The following STAT4 variants were observed in gnomAD, a reference collection of about 807,000 sequenced individuals.
STAT4 encodes the protein signal transducer and activator of transcription 4.
Under a neutral mutation model 110.5 loss-of-function variants are expected in STAT4, and 42 were observed. That is an observed-to-expected ratio of 0.38 (90% CI 0.30 to 0.49). STAT4 has a LOEUF of 0.49. Ranked by LOEUF, STAT4 falls within the 20% of genes least tolerant of loss-of-function variation. STAT4 has a pLI of 0.95. For missense variants in STAT4, 632 were observed against 887.9 expected (o/e 0.71, Z 3.66); for synonymous variants, 284 against 302.2 (o/e 0.94, Z 0.63).
chr2:191,105,874 C>T (rs377418995), intron 3 of STAT4, among the ~76,000 whole-genome samples: 6 of 152,104 alleles, frequency 3.9e-5, no homozygotes, highest in Non-Finnish European at 5.9e-5. Context: ...TTATCCTCGC[C>T]GATGGATATG....
In STAT4 at chr2:191,061,924, C is replaced by T; in HGVS notation, c.942-103G>A. ...GCTATCCACTCAAAGTCCAAATTTT[C>T]TACACTTAGAAGATATTCAAACCCC... On this transcript the variant is annotated intron_variant, in intron 9 of 23. Coordinates refer to ENST00000392320, the MANE Select transcript of STAT4 (RefSeq NM_003151.4). This position sits in a 1 kb window ranked among gnomAD's most constrained non-coding sequence, Gnocchi z 6.2. 1 of 1,003,952 alleles carries T rather than the reference C, an allele frequency of 1.0e-6. No homozygotes were observed. Among genetic ancestry groups the T allele is most frequent in the Non-Finnish European group, 1.5e-6 (1 of 651,808 alleles). 62.2% of individuals were successfully genotyped at this position (1,003,952 alleles called of 1,614,324 possible).
chr2:191,064,405 T>C (rs923665899), intron 8 of STAT4, among the ~76,000 whole-genome samples: 6 of 152,348 alleles, frequency 3.9e-5, no homozygotes, highest in African/African-American at 1.4e-4. Context: ...TTTCTATCCC[T>C]GACCCACATC....
chr2:191,151,127 C>G, upstream of STAT4: 3 of 985,332 alleles, frequency 3.0e-6, no homozygotes, highest in Non-Finnish European at 3.6e-6. The surrounding 1 kb of genome is among the most constrained non-coding windows in gnomAD (Gnocchi z 4.7). Context: ...TGGGTCAGTT[C>G]CCACCCACTC....
rs529353620 is a variant in STAT4 at position 191,146,811 on chromosome 2, C to T, written c.129-54G>A. On this transcript the variant is annotated intron_variant, in intron 2 of 23. Transcript: ENST00000392320. The surrounding 1 kb of genome is among the most constrained non-coding windows in gnomAD (Gnocchi z 4.5). ...AGAAAACAACTTTGTAAAATGTCTA[C>T]TTTTTTACCATACTAACTTTAAAAC... 7.1e-7 allele frequency: 1 copy of T among 1,415,742 alleles called. No individual in the cohort carries two copies. The highest frequency in any genetic ancestry group is 9.3e-7 in the Non-Finnish European group (1 of 1,076,466). 87.7% of individuals were successfully genotyped at this position (1,415,742 alleles called of 1,614,324 possible).
rs1383544652 is a variant in STAT4 at position 191,050,877 on chromosome 2, AAC to A, written c.1251+3611_1251+3612del. ...GCTCAGCTCTTCTTGGGTAATCTCA[AAC>A]AGTCACAGGGTGCTGCAAATCTAGG... On this transcript the variant is annotated intron_variant, in intron 14 of 23. Coordinates refer to ENST00000392320, the MANE Select transcript of STAT4 (RefSeq NM_003151.4). This position sits in a 1 kb window ranked among gnomAD's most constrained non-coding sequence, Gnocchi z 4.3. Among the ~76,000 whole-genome samples the A allele has an allele frequency of 6.6e-6, 1 of 152,180 alleles. No homozygotes were observed. Among genetic ancestry groups the A allele is most frequent in the Non-Finnish European group, 1.5e-5 (1 of 68,040 alleles).
intron 3 of STAT4, among the ~76,000 whole-genome samples, chr2:191,097,599 C>T (rs1472278533): frequency 2.6e-5 from 4 of 152,194 alleles, no homozygotes; most frequent in African/African-American, 7.2e-5. Flanking sequence ...CCCTTCCTTA[C>T]ACCTTACACA....
rs747363114 is a variant in STAT4, at chr2:191,058,235, G to C, written c.1095-16C>G. 2.5e-6 allele frequency: 4 copies of C among 1,609,876 alleles called. No homozygotes were observed. ...TGAAACATTCCTGTAAAACCAAGAA[G>C]ATTCTTTAAAACAAGCTATTTAATA... On this transcript the variant is annotated splice_polypyrimidine_tract_variant and intron_variant, in intron 11 of 23. Coordinates refer to ENST00000392320, the MANE Select transcript of STAT4 (RefSeq NM_003151.4). The surrounding 1 kb of genome is among the most constrained non-coding windows in gnomAD (Gnocchi z 4.3).
Position 191,141,477 on chromosome 2 carries a change from C to T in STAT4, c.273+5136G>A, listed in dbSNP as rs536412709. On this transcript the variant is annotated intron_variant, in intron 3 of 23. Transcript: ENST00000392320. ...CATATATACATATGTATATCACATA[C>T]ATACATATACATATGTATATCACAT... 6.5e-4 allele frequency among the ~76,000 whole-genome samples: 30 copies of T among 46,158 alleles called. 1 individual carries two copies. Among genetic ancestry groups the T allele is most frequent in the South Asian group, 6.2e-3 (8 of 1,286 alleles). The allele number at this position is 46,158 out of a possible 152,430, so 30.3% of individuals were successfully genotyped here.
intron 13 of STAT4, among the ~76,000 whole-genome samples, chr2:191,057,371 A>G (rs1018311417): frequency 1.3e-5 from 2 of 152,192 alleles, no homozygotes; most frequent in African/African-American, 4.8e-5. Flanking sequence ...TGAATAATAT[A>G]TTCCATTGTG....
At chr2:191,038,269 T>C (rs1246620048) in intron 16 of STAT4, among the ~76,000 whole-genome samples, 3 of 152,166 alleles carry the variant, frequency 2.0e-5, no homozygotes, top group Non-Finnish European at 4.4e-5. Context: ...CCCTGCACAG[T>C]CTTCCTCTCT....
In STAT4 at chr2:191,082,552, T is replaced by C. The variant is rs1697513164; in HGVS notation, c.274-6227A>G. ...GTGTTATTGATTATAATATGCATTC[T>C]ATTTCAGAGATTTAAAGATGTTAAA... is the stretch of plus-strand genomic sequence containing the variant. On this transcript the variant is annotated intron_variant, in intron 3 of 23. Transcript: ENST00000392320. This position sits in a 1 kb window ranked among gnomAD's most constrained non-coding sequence, Gnocchi z 4.7. 6.6e-6 allele frequency among the ~76,000 whole-genome samples: 1 copy of C among 152,256 alleles called. No individual in the cohort carries two copies. The highest frequency in any genetic ancestry group is 2.1e-4 in the South Asian group (1 of 4,838).
chr2:191,039,669 TTTTAAG>T lies in STAT4; in HGVS notation c.1336-378_1336-373del, dbSNP rs1373917301. On this transcript the variant is annotated intron_variant, in intron 15 of 23. Transcript: ENST00000392320. This position sits in a 1 kb window ranked among gnomAD's most constrained non-coding sequence, Gnocchi z 4.7. ...TCTATAAGTTAAATAAAAGAATCTA[TTTTAAG>T]TTTATCTCTGGAATGAATCAGTACC... Among the ~76,000 whole-genome samples the T allele has an allele frequency of 2.0e-5, 3 of 152,332 alleles. No individual in the cohort carries two copies. The highest frequency in any genetic ancestry group is 4.8e-5 in the African/African-American group (2 of 41,578).
chr2:191,093,625 C>T (rs904047996), intron 3 of STAT4, among the ~76,000 whole-genome samples: 11 of 152,224 alleles, frequency 7.2e-5, no homozygotes, highest in Middle Eastern at 3.4e-3. Flanking sequence ...ACCACAAAGC[C>T]GGGGAGAAAC....
intron 15 of STAT4, 111 bp downstream of exon 15, chr2:191,040,954 A>G: frequency 1.6e-6 from 1 of 632,166 alleles, no homozygotes; most frequent in Non-Finnish European, 2.5e-6. Context: ...AAAACAAAAT[A>G]ATGAATATGG....
At chr2:191,057,634 T>C (rs866110865) in intron 13 of STAT4, among the ~76,000 whole-genome samples, 3 of 150,306 alleles carry the variant, frequency 2.0e-5, no homozygotes, top group Non-Finnish European at 4.4e-5. Flanking sequence ...AGTCTCGCAT[T>C]GTGGCCTGGG....
Position 191,061,427 on chromosome 2 carries a change from A to G in STAT4, c.1034+302T>C, listed in dbSNP as rs1277844284. ...CCTACAATCCTCCTCCCCTCTCCCA[A>G]TCTCTCCAGTCTTTTCTCAAGTCAA... is the stretch of plus-strand genomic sequence containing the variant. On this transcript the variant is annotated intron_variant, in intron 10 of 23. Transcript: ENST00000392320. The surrounding 1 kb of genome is among the most constrained non-coding windows in gnomAD (Gnocchi z 6.2). Among the ~76,000 whole-genome samples the G allele has an allele frequency of 6.6e-6, 1 of 151,910 alleles. No homozygotes were observed. Among genetic ancestry groups the G allele is most frequent in the Non-Finnish European group, 1.5e-5 (1 of 67,982 alleles).
chr2:191,070,071 A>G (rs1354981738), intron 5 of STAT4, among the ~76,000 whole-genome samples: 1 of 152,104 alleles, frequency 6.6e-6, no homozygotes, highest in East Asian at 1.9e-4. Context: ...TCTTTTTTTA[A>G]TTGGAGAATA....
At chr2:191,114,642 C>T (rs1480948432) in intron 3 of STAT4, among the ~76,000 whole-genome samples, 3 of 152,130 alleles carry the variant, frequency 2.0e-5, no homozygotes, top group Non-Finnish European at 4.4e-5. Flanking sequence ...CATGACACCT[C>T]CTATCAAAAG....
chr2:191,058,113 T>C lies in STAT4; in HGVS notation c.1113-2A>G. On this transcript the variant is annotated splice_acceptor_variant, in intron 12 of 23. Transcript: ENST00000392320. LOFTEE classifies it high-confidence loss of function. The surrounding 1 kb of genome is among the most constrained non-coding windows in gnomAD (Gnocchi z 4.3). ...CCACAAAGTACAAATCTTCGGTTGC[T>C]GGAGAGGAAATCTTAGCTATTTACA... 6.2e-7 allele frequency: 1 copy of C among 1,613,868 alleles called. No individual in the cohort carries two copies. Among genetic ancestry groups the C allele is most frequent in the Non-Finnish European group, 8.5e-7 (1 of 1,179,824 alleles).
Sources: gnomAD v4.1 joint callset for allele counts (sites outside exome capture counted in the v4.1 genomes callset) on GRCh38, gnomAD v4.1.1 for gene constraint, Gnocchi (gnomAD v3.1) non-coding constraint, MANE v1.5 for transcripts, NCBI Gene and HGNC (gene_info 2026-07-23, HGNC 2026-07-21) for gene names.